MAGI1: variants seen among roughly 807,000 people sequenced by gnomAD.
MAGI1 encodes membrane-associated guanylate kinase, WW and PDZ domain-containing protein 1.
In MAGI1, 58 loss-of-function variants were observed where a neutral mutation model predicts 139.9. That is an observed-to-expected ratio of 0.41 (90% CI 0.34 to 0.52). The LOEUF (loss-of-function observed/expected upper bound fraction) is 0.52. Ranked by LOEUF, MAGI1 falls within the 20% of genes least tolerant of loss-of-function variation. The pLI is 0.12. For missense variants in MAGI1, 1,874 were observed against 1,901.6 expected (o/e 0.99, Z 0.27); for synonymous variants, 812 against 737.9 (o/e 1.10, Z -1.63).
At chr3:65,806,724 T>G (rs531098981) in intron 1 of MAGI1, among the ~76,000 whole-genome samples, 1 of 152,320 alleles carries the variant, frequency 6.6e-6, no homozygotes, top group South Asian at 2.1e-4. Context: ...CACCAATCAG[T>G]GATGTCATCT....
intron 18 of MAGI1, among the ~76,000 whole-genome samples, chr3:65,373,828 A>T (rs796359420): frequency 9.8e-5 from 15 of 152,334 alleles, no homozygotes; most frequent in African/African-American, 3.6e-4. Flanking sequence ...GTAGATCATC[A>T]TTCAAGAGGC....
Position 65,984,233 on chromosome 3 carries a change from G to A in MAGI1, c.313+53763C>T, listed in dbSNP as rs140585930. Among the ~76,000 whole-genome samples the A allele has an allele frequency of 1.5e-3, 226 of 152,326 alleles. 1 individual carries two copies. The highest frequency in any genetic ancestry group is 5.2e-3 in the African/African-American group (217 of 41,584). On this transcript the variant is annotated intron_variant, in intron 1 of 22. Coordinates refer to ENST00000402939, the MANE Select transcript of MAGI1 (RefSeq NM_001033057.2). ...CACTTGAAGCCAGGAGGCAGAGGTTGCAGTGAGCCAAGATTGTGCCATTGC... is the reference window on the plus strand; with the variant it reads ...CACTTGAAGCCAGGAGGCAGAGGTTACAGTGAGCCAAGATTGTGCCATTGC...
intron 2 of MAGI1, among the ~76,000 whole-genome samples, chr3:65,583,860 G>C (rs2081549546): frequency 6.6e-6 from 1 of 152,066 alleles, no homozygotes; most frequent in Non-Finnish European, 1.5e-5. Flanking sequence ...ACTAAGAAAA[G>C]CTCTGTCATT....
At chr3:65,515,305 A>T (rs994001610) in intron 2 of MAGI1, among the ~76,000 whole-genome samples, 1 of 152,058 alleles carries the variant, frequency 6.6e-6, no homozygotes, top group African/African-American at 2.4e-5. Flanking sequence ...AACTTAAAGT[A>T]TAAAAAAAAA....
At chr3:66,024,318 A>T (rs1488574167) in intron 1 of MAGI1, among the ~76,000 whole-genome samples, 25 of 48,452 alleles carry the variant, frequency 5.2e-4, no homozygotes, top group Admixed American at 2.5e-3. Flanking sequence ...AGTTCATTAA[A>T]AAAAAAAAAA....
intron 2 of MAGI1, among the ~76,000 whole-genome samples, chr3:65,501,453 CAAAAA>C (rs35967662): frequency 5.0e-5 from 4 of 80,648 alleles, no homozygotes; most frequent in South Asian, 5.6e-4. Context: ...GACTCTGTCT[CAAAAA>C]AAAAAAAAAA....
intron 1 of MAGI1, among the ~76,000 whole-genome samples, chr3:65,667,286 G>A (rs994699806): frequency 6.6e-6 from 1 of 152,112 alleles, no homozygotes; most frequent in African/African-American, 2.4e-5. Flanking sequence ...GCATGGGAGG[G>A]GAGGTTTCAA....
intron 2 of MAGI1, chr3:65,549,288 T>C (rs1001203932): frequency 9.8e-6 from 4 of 407,016 alleles, no homozygotes; most frequent in African/African-American, 2.2e-5. Flanking sequence ...TTCCTTCCCT[T>C]TCCTCCCTCT....
chr3:65,930,425 CG>C (rs2062756426), intron 1 of MAGI1, among the ~76,000 whole-genome samples: 1 of 149,894 alleles, frequency 6.7e-6, no homozygotes, highest in Non-Finnish European at 1.5e-5. Flanking sequence ...AAGATGGAGA[CG>C]TATTTATCAA....
At chr3:65,780,301 G>C (rs974036811) in intron 1 of MAGI1, among the ~76,000 whole-genome samples, 3 of 152,188 alleles carry the variant, frequency 2.0e-5, no homozygotes, top group African/African-American at 7.2e-5. Flanking sequence ...TGGGATTACA[G>C]GAGTGACACA....
At chr3:65,839,965 T>G (rs1041530096) in intron 1 of MAGI1, among the ~76,000 whole-genome samples, 2 of 152,216 alleles carry the variant, frequency 1.3e-5, no homozygotes, top group African/African-American at 4.8e-5. Flanking sequence ...GTTGTCACCA[T>G]ACTAAATCTG....
intron 2 of MAGI1, among the ~76,000 whole-genome samples, chr3:65,553,857 T>C (rs899843021): frequency 5.9e-5 from 9 of 152,208 alleles, no homozygotes; most frequent in Non-Finnish European, 1.0e-4. Flanking sequence ...TTTCGCTAAT[T>C]CTCATTATCT....
intron 2 of MAGI1, among the ~76,000 whole-genome samples, chr3:65,505,988 C>T (rs530663362): frequency 6.6e-6 from 1 of 152,224 alleles, no homozygotes; most frequent in Non-Finnish European, 1.5e-5. Flanking sequence ...CAGCTGCTTT[C>T]ATTAGTCCTC....
chr3:65,856,583 T>C (rs1264076295), intron 1 of MAGI1, among the ~76,000 whole-genome samples: 3 of 152,150 alleles, frequency 2.0e-5, no homozygotes, highest in African/African-American at 7.2e-5. Flanking sequence ...TGCATGACTA[T>C]AGAAAACAAT....
intron 12 of MAGI1, among the ~76,000 whole-genome samples, chr3:65,406,450 T>C (rs1321992252): frequency 6.6e-6 from 1 of 152,150 alleles, no homozygotes; most frequent in East Asian, 1.9e-4. Context: ...AATCCTAAAG[T>C]GTCTGTCACA....
intron 1 of MAGI1, among the ~76,000 whole-genome samples, chr3:65,695,547 C>T (rs150455611): frequency 2.4e-3 from 360 of 152,270 alleles, no homozygotes; most frequent in African/African-American, 8.3e-3. Flanking sequence ...CAGTCACATC[C>T]TTTTTCTTCC....
At chr3:65,622,958 A>G (rs1576511455) in intron 1 of MAGI1, among the ~76,000 whole-genome samples, 1 of 152,332 alleles carries the variant, frequency 6.6e-6, no homozygotes, top group East Asian at 1.9e-4. Flanking sequence ...TCATCCATAT[A>G]ACAACTACTT....
intron 22 of MAGI1, chr3:65,359,459 T>C (rs769282641): frequency 3.9e-5 from 45 of 1,142,696 alleles, no homozygotes; most frequent in Non-Finnish European, 4.8e-5. Flanking sequence ...ACTGGAACAA[T>C]GACAGGCTGG....
At chr3:65,475,675 T>C (rs1182850042) in intron 4 of MAGI1, among the ~76,000 whole-genome samples, 1 of 152,112 alleles carries the variant, frequency 6.6e-6, no homozygotes, top group African/African-American at 2.4e-5. Context: ...GCACAATTTG[T>C]AGAAGACTGT....
Sources: gnomAD v4.1 joint callset for allele counts (sites outside exome capture counted in the v4.1 genomes callset) on GRCh38, gnomAD v4.1.1 for gene constraint, MANE v1.5 for transcripts, NCBI Gene and HGNC (gene_info 2026-07-23, HGNC 2026-07-21) for gene names.